The following OR1J2 variants were observed in gnomAD, a reference collection of about 807,000 sequenced individuals.
OR1J2 encodes olfactory receptor family 1 subfamily J member 2.
For synonymous variants in OR1J2, 142 were observed against 99.7 expected (o/e 1.42, Z -2.52); for missense variants, 304 against 246.1 (o/e 1.24, Z -1.57).
At chr9:122,540,441 T>C in the OR1J2 span, among the ~76,000 whole-genome samples, 2 of 152,198 alleles carry the variant, frequency 1.3e-5, no homozygotes, top group Non-Finnish European at 2.9e-5. Flanking sequence ...TGCGGCATTA[T>C]TTCTGAGGGC....
the OR1J2 span, among the ~76,000 whole-genome samples, chr9:122,460,328 T>C: frequency 2.0e-5 from 3 of 152,156 alleles, no homozygotes; most frequent in Admixed American, 1.3e-4. Flanking sequence ...TTTTTCTACA[T>C]GTGGCTTGCC....
the OR1J2 span, among the ~76,000 whole-genome samples, chr9:122,456,065 T>C: frequency 9.7e-4 from 148 of 152,366 alleles, no homozygotes; most frequent in African/African-American, 3.4e-3. Flanking sequence ...TTTATCCTTA[T>C]GCTAGTAGCA....
chr9:122,482,872 A>G, the OR1J2 span, among the ~76,000 whole-genome samples: 3 of 152,198 alleles, frequency 2.0e-5, no homozygotes, highest in Admixed American at 6.5e-5. Flanking sequence ...GAGCAGGATG[A>G]GAGATGGGAA....
At chr9:122,449,176 C>T in the OR1J2 span, among the ~76,000 whole-genome samples, 71 of 152,170 alleles carry the variant, frequency 4.7e-4, no homozygotes, top group African/African-American at 1.6e-3. Flanking sequence ...CCACACTATG[C>T]ACTGCAACAG....
chr9:122,517,068 A>G, the OR1J2 span, among the ~76,000 whole-genome samples: 1 of 152,184 alleles, frequency 6.6e-6, no homozygotes, highest in Admixed American at 6.5e-5. Context: ...TCTTATTAAT[A>G]TTCACAATAT....
At chr9:122,546,477 C>G in the OR1J2 span, among the ~76,000 whole-genome samples, 1 of 152,168 alleles carries the variant, frequency 6.6e-6, no homozygotes, top group Non-Finnish European at 1.5e-5. Context: ...CTTTCAGAAC[C>G]TGCTGCCTTG....
the OR1J2 span, chr9:122,519,406 A>C: frequency 6.2e-7 from 1 of 1,614,168 alleles, no homozygotes. Context: ...CAAACTCAGG[A>C]TCAATCCATT....
At chr9:122,562,526 G>A in the OR1J2 span, among the ~76,000 whole-genome samples, 2 of 152,164 alleles carry the variant, frequency 1.3e-5, no homozygotes, top group African/African-American at 2.4e-5. Context: ...AGGCTGGGTA[G>A]CACGCTCACT....
chr9:122,504,695 T>C, the OR1J2 span, among the ~76,000 whole-genome samples: 7 of 152,120 alleles, frequency 4.6e-5, no homozygotes, highest in African/African-American at 1.7e-4. Flanking sequence ...CCAAGGTGTC[T>C]CCATCTGATC....
At chr9:122,450,293 TG>T in the OR1J2 span, among the ~76,000 whole-genome samples, 1 of 152,058 alleles carries the variant, frequency 6.6e-6, no homozygotes, top group Non-Finnish European at 1.5e-5. Context: ...TAGCTGCGCT[TG>T]GTGGTGCACA....
At chr9:122,558,507 T>C in the OR1J2 span, among the ~76,000 whole-genome samples, 1 of 151,748 alleles carries the variant, frequency 6.6e-6, no homozygotes, top group Non-Finnish European at 1.5e-5. Context: ...CCTGTCTATT[T>C]GACTTCATAC....
At chr9:122,482,661 T>C in the OR1J2 span, among the ~76,000 whole-genome samples, 2 of 152,162 alleles carry the variant, frequency 1.3e-5, no homozygotes, top group South Asian at 4.1e-4. Flanking sequence ...ATATACACAA[T>C]GGAATACTAT....
chr9:122,497,981 G>C, the OR1J2 span, among the ~76,000 whole-genome samples: 1 of 151,654 alleles, frequency 6.6e-6, no homozygotes, highest in Non-Finnish European at 1.5e-5. Context: ...ATGTAATTGT[G>C]TGGCTTTGAG....
chr9:122,549,424 T>C, the OR1J2 span, among the ~76,000 whole-genome samples: 24 of 152,188 alleles, frequency 1.6e-4, no homozygotes, highest in African/African-American at 4.6e-4. Flanking sequence ...TTTGTAGCAA[T>C]GCAAATGGAC....
At chr9:122,560,125 G>A in the OR1J2 span, among the ~76,000 whole-genome samples, 1 of 151,924 alleles carries the variant, frequency 6.6e-6, no homozygotes, top group Non-Finnish European at 1.5e-5. Flanking sequence ...TTTAAAATCT[G>A]TTTTGTCAGA....
the OR1J2 span, among the ~76,000 whole-genome samples, chr9:122,579,057 A>T: frequency 6.6e-6 from 1 of 152,162 alleles, no homozygotes; most frequent in Admixed American, 6.5e-5. Context: ...ATAGAAAGTC[A>T]TTAAAAAAGA....
chr9:122,522,140 C>T, the OR1J2 span, among the ~76,000 whole-genome samples: 2 of 152,182 alleles, frequency 1.3e-5, no homozygotes, highest in African/African-American at 4.8e-5. Flanking sequence ...GGCTAGGATT[C>T]GTGACCTTTT....
chr9:122,537,380 G>A, the OR1J2 span, among the ~76,000 whole-genome samples: 10 of 152,174 alleles, frequency 6.6e-5, no homozygotes, highest in African/African-American at 1.9e-4. Flanking sequence ...GCCTGGTGCC[G>A]AGCTGCCTGT....
upstream of OR1J2, among the ~76,000 whole-genome samples, chr9:122,507,017 C>G (rs1828533116): frequency 6.6e-6 from 1 of 152,208 alleles, no homozygotes; most frequent in Non-Finnish European, 1.5e-5. Context: ...AATTATTCAA[C>G]TGCCAACATT....
Sources: allele counts gnomAD v4.1 joint callset (sites outside exome capture counted in the v4.1 genomes callset), GRCh38; gene constraint gnomAD v4.1.1; transcripts MANE v1.5; gene names NCBI Gene and HGNC (gene_info 2026-07-23, HGNC 2026-07-21).